The following COL6A6 variants were observed in gnomAD, a reference collection of about 807,000 sequenced individuals.
The protein encoded by COL6A6 is collagen type VI alpha 6 chain.
A neutral mutation model predicts 208.6 loss-of-function variants in COL6A6; 183 were observed. The ratio of observed to expected loss-of-function variants is 0.88; its 90% confidence interval spans 0.78 to 0.99. The LOEUF (loss-of-function observed/expected upper bound fraction) is 0.99. Among genes scored for constraint, COL6A6 ranks in the 50% least tolerant of loss-of-function variants. The pLI is 0.00. For synonymous variants in COL6A6, 973 were observed against 1,011.8 expected, an observed-to-expected ratio of 0.96 and a Z score of 0.73; for missense variants, 2,816 against 2,815.2, an observed-to-expected ratio of 1.00 and a Z score of -0.01.
chr3:130,516,929 A>C (rs1045144235), upstream of COL6A6, among the ~76,000 whole-genome samples: 3 of 152,208 alleles, frequency 2.0e-5, no homozygotes, highest in Admixed American at 6.5e-5. Context: ...GGCGCGTACC[A>C]TGAAAGCCCC....
chr3:130,674,089 G>C (rs577026839), intron 36 of COL6A6, among the ~76,000 whole-genome samples: 1 of 152,114 alleles, frequency 6.6e-6, no homozygotes, highest in Admixed American at 6.5e-5. Context: ...AAAGCTGCTC[G>C]GCTAGGGGCT....
intron 28 of COL6A6, 120 bp downstream of exon 28, chr3:130,635,881 C>G: frequency 1.4e-6 from 1 of 703,586 alleles, no homozygotes; most frequent in East Asian, 2.7e-5. Flanking sequence ...CATGTGTTTT[C>G]TATTAAGGCA....
rs1003805021 is a variant in COL6A6, at chr3:130,674,284, C to T, written c.6597-918C>T. 2.0e-5 allele frequency among the ~76,000 whole-genome samples: 3 copies of T among 152,288 alleles called. No individual in the cohort carries two copies. In the East Asian group the frequency reaches 5.8e-4, roughly 29 times the overall value. On this transcript the variant is annotated intron_variant, in intron 36 of 36. Coordinates refer to ENST00000358511, the MANE Select transcript of COL6A6 (RefSeq NM_001102608.3). ...CACTACATTTCAAGTGCTCAAAAGC[C>T]TCATGTGGCTCATGGCTGCCATATA...
intron 8 of COL6A6, among the ~76,000 whole-genome samples, chr3:130,580,279 T>C (rs2063389254): frequency 6.6e-6 from 1 of 152,250 alleles, no homozygotes; most frequent in African/African-American, 2.4e-5. Flanking sequence ...ATAGTTTATC[T>C]TATTTTCTGA....
chr3:130,550,656 T>G (rs937876681), intron 1 of COL6A6, among the ~76,000 whole-genome samples: 3 of 152,190 alleles, frequency 2.0e-5, no homozygotes, highest in Non-Finnish European at 4.4e-5. Context: ...CATTAGATCT[T>G]GTGAGACTTA....
chr3:130,568,492 C>T lies in COL6A6; in HGVS notation c.2289C>T (p.Thr763=), dbSNP rs2063085707. The change falls in exon 6 of 37, where the codon ACC becomes ACT. Residue 763 remains threonine, a synonymous_variant. Transcript: ENST00000358511. ...YSVGVFGSNV[T]QLEEISGRPE... ...TGGGAGTGTTTGGCTCCAATGTCAC[C>T]CAGCTTGAGGAGATCAGTGGGAGGC... 1 of 1,613,564 alleles carries T rather than the reference C, an allele frequency of 6.2e-7. No homozygotes were observed. Among genetic ancestry groups the T allele is most frequent in the Admixed American group, 1.7e-5 (1 of 59,994 alleles).
chr3:130,673,389 G>T (rs58032878), intron 36 of COL6A6, among the ~76,000 whole-genome samples: 53,422 of 150,002 alleles, frequency 0.36, 12,297 homozygotes, highest in African/African-American at 0.65. Flanking sequence ...CAATTTTTTC[G>T]TAACAAAGAT....
chr3:130,639,066 G>A (rs77066800), intron 28 of COL6A6, among the ~76,000 whole-genome samples: 370 of 152,252 alleles, frequency 2.4e-3, no homozygotes, highest in Middle Eastern at 0.01. Context: ...ATTATTGGGT[G>A]TATTAGTATT....
chr3:130,527,890 C>CTTTTTTTTTTTT (rs56110472), intron 1 of COL6A6, among the ~76,000 whole-genome samples: 16 of 57,842 alleles, frequency 2.8e-4, no homozygotes, highest in Admixed American at 4.4e-4. Context: ...GTTACTTTTC[C>CTTTTTTTTTTTT]TTTTTTTTTT....
intron 1 of COL6A6, among the ~76,000 whole-genome samples, chr3:130,531,039 G>GAC (rs66824865): frequency 3.8e-4 from 53 of 138,048 alleles, no homozygotes; most frequent in East Asian, 1.1e-3. Context: ...CACACACACA[G>GAC]ACACACACAC....
At position 130,574,407 on chromosome 3, in the gene COL6A6, G is replaced by T; in HGVS notation, c.3429G>T (p.Gln1143His). ...TGGGCATTGGGGATGTGGATGACCA[G>T]CAGCTCATTCAGATCACCGGGACTG... ...YSVGIGDVDD[Q>H]QLIQITGTAE... is the part of the protein sequence containing the mutation. Residue 1143 changes from glutamine (Q) to histidine (H), a missense_variant, in exon 8 of 37, where the codon CAG (glutamine) becomes CAT (histidine). Gln to His is a conservative substitution (Grantham distance 24). Coordinates refer to ENST00000358511, the MANE Select transcript of COL6A6 (RefSeq NM_001102608.3). 6.2e-7 allele frequency: 1 copy of T among 1,614,062 alleles called. No homozygotes were observed. The highest frequency in any genetic ancestry group is 8.5e-7 in the Non-Finnish European group (1 of 1,179,906).
intron 36 of COL6A6, among the ~76,000 whole-genome samples, chr3:130,674,253 C>G (rs2066304944): frequency 6.6e-6 from 1 of 152,220 alleles, no homozygotes; most frequent in South Asian, 2.1e-4. Context: ...TTCAGTTCCT[C>G]AGTCACACTA....
intron 24 of COL6A6, 43 bp from the exon 25 acceptor site, chr3:130,626,442 C>T (rs1323120815): frequency 2.9e-6 from 4 of 1,389,794 alleles, no homozygotes; most frequent in Non-Finnish European, 3.1e-6. Flanking sequence ...TTAGTGCCAT[C>T]ATTTCCAATT....
intron 20 of COL6A6, among the ~76,000 whole-genome samples, chr3:130,605,685 A>G (rs973769680): frequency 2.0e-5 from 3 of 152,218 alleles, no homozygotes; most frequent in African/African-American, 7.2e-5. Context: ...TTTCTTTTAT[A>G]ACAATAGTGT....
At chr3:130,616,988 G>C (rs2064549917) in intron 23 of COL6A6, among the ~76,000 whole-genome samples, 1 of 152,074 alleles carries the variant, frequency 6.6e-6, no homozygotes, top group South Asian at 2.1e-4. Context: ...CTATGTGTTT[G>C]TTATTGCTAC....
chr3:130,548,946 A>G (rs2062582505), intron 1 of COL6A6, among the ~76,000 whole-genome samples: 1 of 152,162 alleles, frequency 6.6e-6, no homozygotes, highest in Admixed American at 6.5e-5. Flanking sequence ...TTGATTTTTC[A>G]GTTTGTTCAG....
At chr3:130,634,496 C>A in intron 26 of COL6A6, 94 bp from the exon 27 acceptor site, 1 of 1,150,940 alleles carries the variant, frequency 8.7e-7, no homozygotes, top group South Asian at 1.4e-5. Flanking sequence ...TCAGAGGTAC[C>A]AAAACTACAC....
chr3:130,646,731 T>C (rs983139864), intron 32 of COL6A6, among the ~76,000 whole-genome samples: 1 of 152,054 alleles, frequency 6.6e-6, no homozygotes, highest in African/African-American at 2.4e-5. Flanking sequence ...CATAAAAACA[T>C]GGGGAATAGG....
intron 4 of COL6A6, 72 bp downstream of exon 4, chr3:130,565,686 A>G: frequency 6.8e-7 from 1 of 1,471,194 alleles, no homozygotes. Context: ...CTGTATACAA[A>G]GTGGATTGGC....
Sources: gnomAD v4.1 joint callset for allele counts (sites outside exome capture counted in the v4.1 genomes callset) on GRCh38, gnomAD v4.1.1 for gene constraint, MANE v1.5 for transcripts, NCBI Gene and HGNC (gene_info 2026-07-23, HGNC 2026-07-21) for gene names.